The following LRRC9 variants were observed in gnomAD, a reference collection of about 807,000 sequenced individuals.
LRRC9 encodes leucine rich repeat containing 9, also known as leucine-rich repeat-containing protein 9.
A neutral mutation model predicts 63.2 loss-of-function variants in LRRC9; 122 were observed. The ratio of observed to expected loss-of-function variants is 1.93; its 90% CI spans 1.67 to 2.24. The LOEUF (loss-of-function observed/expected upper bound fraction) is 2.24, where lower values mean the gene tolerates loss of function less well. Ranked by LOEUF, LRRC9 falls within the 30% of genes most tolerant of loss-of-function variation. LRRC9 has a pLI of 0.00. For missense variants in LRRC9, 1,071 were observed against 627.7 expected, an observed-to-expected ratio of 1.71 and a Z score of -7.55; for synonymous variants, 366 against 213.1, an observed-to-expected ratio of 1.72 and a Z score of -6.25.
chr14:59,983,574 G>A (rs945476159), intron 16 of LRRC9, among the ~76,000 whole-genome samples: 1 of 152,128 alleles, frequency 6.6e-6, no homozygotes, highest in Non-Finnish European at 1.5e-5. Flanking sequence ...ATCTTCCAGA[G>A]AGAGAAAATA....
At chr14:59,989,428 C>T (rs1887821616) in intron 17 of LRRC9, among the ~76,000 whole-genome samples, 1 of 151,812 alleles carries the variant, frequency 6.6e-6, no homozygotes, top group African/African-American at 2.4e-5. Context: ...TTTTTATTCA[C>T]TCTTGGATAT....
chr14:60,026,002 A>C (rs1407368069), intron 27 of LRRC9, among the ~76,000 whole-genome samples: 1 of 152,130 alleles, frequency 6.6e-6, no homozygotes, highest in Non-Finnish European at 1.5e-5. Context: ...CTAAAGCTAA[A>C]GTCATTGGGA....
At position 60,060,880 on chromosome 14, in the gene LRRC9, C is replaced by G. The variant is rs561706363; in HGVS notation, c.4277-2443C>G. Among the ~76,000 whole-genome samples, 1 of 152,170 alleles carries G rather than the reference C, an allele frequency of 6.6e-6. No individual in the cohort carries two copies. Among genetic ancestry groups the G allele is most frequent in the South Asian group, 2.1e-4 (1 of 4,810 alleles). On this transcript the variant is annotated intron_variant, in intron 31 of 31. Transcript: ENST00000445360. The surrounding 1 kb of genome is among the most constrained non-coding windows in gnomAD (Gnocchi z 4.0). ...CATCAGAGGAGGTCAAAATAGCAAC[C>G]CTAATGGGAGTTTGGATGACTTTGA...
intron 12 of LRRC9, among the ~76,000 whole-genome samples, chr14:59,971,388 G>A (rs769630522): frequency 1.2e-4 from 19 of 152,140 alleles, no homozygotes; most frequent in South Asian, 2.1e-4. Context: ...TATTCTTTTC[G>A]CATAGGATTG....
At chr14:60,038,141 C>G (rs1296350852) in intron 29 of LRRC9, among the ~76,000 whole-genome samples, 2 of 152,078 alleles carry the variant, frequency 1.3e-5, no homozygotes, top group African/African-American at 4.8e-5. Context: ...GTTTTGGTAC[C>G]AGTACTATGC....
exon 20 of LRRC9, chr14:60,002,087 A>G (rs1216815184): frequency 1.4e-6 from 1 of 696,208 alleles, no homozygotes; most frequent in Non-Finnish European, 2.6e-6. Context: ...CTGAGTGGAA[A>G]CTGCTACTTG....
chr14:59,923,225 T>G lies in LRRC9; in HGVS notation c.-34+3342T>G, dbSNP rs1008636071. On this transcript the variant is annotated intron_variant, in intron 1 of 31. Coordinates refer to ENST00000445360, the Ensembl canonical transcript of LRRC9. The surrounding 1 kb of genome is among the most constrained non-coding windows in gnomAD (Gnocchi z 4.2). ...GCCTAGCATCCTTGTGATTCAGAAA[T>G]AGTTATACAACTTATAGAATTTGGG... is the stretch of plus-strand genomic sequence containing the variant. Among the ~76,000 whole-genome samples the G allele has an allele frequency of 2.0e-5, 3 of 152,240 alleles. No individual in the cohort carries two copies. Among genetic ancestry groups the G allele is most frequent in the African/African-American group, 7.2e-5 (3 of 41,474 alleles).
intron 20 of LRRC9, among the ~76,000 whole-genome samples, chr14:60,002,733 A>G (rs190628995): frequency 1.3e-5 from 2 of 152,326 alleles, no homozygotes; most frequent in Admixed American, 1.3e-4. Flanking sequence ...TGCGTTCGCC[A>G]CAGAATTGGA....
At chr14:60,000,653 A>G (rs978457042) in intron 19 of LRRC9, among the ~76,000 whole-genome samples, 1 of 152,270 alleles carries the variant, frequency 6.6e-6, no homozygotes, top group African/African-American at 2.4e-5. Context: ...TGTAAAAGGC[A>G]AAACCAAAAA....
At chr14:60,037,645 C>T (rs1184240837) in intron 29 of LRRC9, among the ~76,000 whole-genome samples, 1 of 152,070 alleles carries the variant, frequency 6.6e-6, no homozygotes, top group African/African-American at 2.4e-5. Context: ...TGTTTAGGTT[C>T]TTTGTAGATT....
intron 17 of LRRC9, among the ~76,000 whole-genome samples, chr14:59,992,727 A>G (rs186799977): frequency 9.3e-4 from 141 of 152,312 alleles, no homozygotes; most frequent in African/African-American, 2.9e-3. Context: ...AATCAAATGA[A>G]TGAAATGAAG....
chr14:59,960,621 A>T (rs150685), intron 9 of LRRC9, among the ~76,000 whole-genome samples: 27,961 of 152,148 alleles, frequency 0.18, 3,691 homozygotes, highest in African/African-American at 0.37. Context: ...TTTTACTGAG[A>T]AAACTGAGGC....
chr14:60,037,030 C>T (rs1373689864), intron 29 of LRRC9, among the ~76,000 whole-genome samples: 1 of 152,086 alleles, frequency 6.6e-6, no homozygotes, highest in Non-Finnish European at 1.5e-5. Context: ...GTTTTCTGTC[C>T]TTGCGATAGT....
At chr14:60,028,993 T>C (rs1272127229) in intron 28 of LRRC9, among the ~76,000 whole-genome samples, 2 of 152,124 alleles carry the variant, frequency 1.3e-5, no homozygotes, top group African/African-American at 2.4e-5. Context: ...GCCATGCTCC[T>C]TTCTACAAAG....
In LRRC9 at chr14:59,923,869, A is replaced by G. The variant is rs1042655709; in HGVS notation, c.-34+3986A>G. On this transcript the variant is annotated intron_variant, in intron 1 of 31. Coordinates refer to ENST00000445360, the Ensembl canonical transcript of LRRC9. This position sits in a 1 kb window ranked among gnomAD's most constrained non-coding sequence, Gnocchi z 4.2. ...GGCAGGAGTATGGCGTGAACCCGGG[A>G]GGTGGAGCTTGCAGTGAGCTGAGAT... 6.6e-6 allele frequency among the ~76,000 whole-genome samples: 1 copy of G among 152,162 alleles called. No individual in the cohort carries two copies. Among genetic ancestry groups the G allele is most frequent in the Non-Finnish European group, 1.5e-5 (1 of 68,038 alleles).
chr14:59,959,590 C>T (rs572028940), intron 8 of LRRC9, among the ~76,000 whole-genome samples: 3 of 152,204 alleles, frequency 2.0e-5, no homozygotes, highest in South Asian at 2.1e-4. Flanking sequence ...TGGTTAAGGT[C>T]GGCACTTGGT....
rs140132622 is a variant in LRRC9 at position 59,985,770 on chromosome 14, C to T, written c.2211+546C>T. On this transcript the variant is annotated intron_variant, in intron 17 of 31. Transcript: ENST00000445360. ...TATACAGCCTAAATCAGCCTAAATA[C>T]ATATACTGTATTATGTTACTTTCTC... Among the ~76,000 whole-genome samples the T allele has an allele frequency of 4.4e-4, 67 of 152,224 alleles. 3 individuals are homozygous for T. The East Asian group carries it at 0.011, about 24-fold the overall frequency.
rs903046262 is a variant in LRRC9, at chr14:60,055,747, CA to C, written c.4132-2123del. 1.7e-3 allele frequency among the ~76,000 whole-genome samples: 240 copies of C among 140,966 alleles called. 2 individuals are homozygous for C. The highest frequency in any genetic ancestry group is 6.0e-3 in the African/African-American group (212 of 35,404). The allele number at this position is 140,966 out of a possible 152,430, so 92.5% of individuals were successfully genotyped here. The stretch of plus-strand genomic sequence containing the variant: ...GTCTCTATTTAAAAAAAAAAAAAAA[CA>C]AAAAAAACTAGCCAGGCATGATGGC... On this transcript the variant is annotated intron_variant, in intron 30 of 31. Transcript: ENST00000445360.
chr14:60,011,327 C>A (rs1290773042), intron 23 of LRRC9, among the ~76,000 whole-genome samples: 1 of 152,152 alleles, frequency 6.6e-6, no homozygotes, highest in Non-Finnish European at 1.5e-5. Flanking sequence ...GAAAAACCCA[C>A]CCCCATGATT....
Sources: gnomAD v4.1 joint callset for allele counts (sites outside exome capture counted in the v4.1 genomes callset) on GRCh38, gnomAD v4.1.1 for gene constraint, Gnocchi (gnomAD v3.1) non-coding constraint, MANE v1.5 for transcripts, NCBI Gene and HGNC (gene_info 2026-07-23, HGNC 2026-07-21) for gene names.